Variants in SPIRE1 observed in about 807,000 individuals in gnomAD.
SPIRE1 encodes spire type actin nucleation factor 1, also known as protein spire homolog 1.
SPIRE1 carries 40 observed loss-of-function variants against 94.1 expected under a neutral mutation model. The ratio of observed to expected loss-of-function variants is 0.43; its 90% CI spans 0.33 to 0.55. The LOEUF is 0.55. SPIRE1 is among the 20% of genes least tolerant of loss of function. The probability of loss-of-function intolerance (pLI) is 0.06; values close to 1 mark genes in which losing one functional copy is unlikely to be tolerated. For missense variants in SPIRE1, 838 were observed against 975.2 expected (o/e 0.86, Z 1.87); for synonymous variants, 376 against 371.7 (o/e 1.01, Z -0.13).
intron 2 of SPIRE1, among the ~76,000 whole-genome samples, chr18:12,618,578 T>C (rs2144726966): frequency 6.6e-6 from 1 of 152,280 alleles, no homozygotes; most frequent in South Asian, 2.1e-4. Context: ...TCTATACTTT[T>C]TAATCTTATA....
intron 2 of SPIRE1, among the ~76,000 whole-genome samples, chr18:12,622,580 G>T (rs2144748559): frequency 6.6e-6 from 1 of 151,848 alleles, no homozygotes; most frequent in Non-Finnish European, 1.5e-5. Context: ...CCACCACCAT[G>T]CCCGGCTAAT....
intron 2 of SPIRE1, among the ~76,000 whole-genome samples, chr18:12,631,738 G>A (rs538547088): frequency 1.3e-5 from 2 of 152,198 alleles, no homozygotes; most frequent in African/African-American, 4.8e-5. Context: ...CATGGCGCAC[G>A]CCTGTAGTCC....
intron 2 of SPIRE1, among the ~76,000 whole-genome samples, chr18:12,551,725 G>C (rs368615975): frequency 3.0e-4 from 45 of 151,862 alleles, no homozygotes; most frequent in African/African-American, 1.0e-3. Context: ...AATATGGGGC[G>C]GGAGAGGGGT....
chr18:12,627,711 AG>A (rs1255421707), intron 2 of SPIRE1, among the ~76,000 whole-genome samples: 9 of 152,180 alleles, frequency 5.9e-5, no homozygotes, highest in Non-Finnish European at 2.9e-5. Flanking sequence ...CATCATCTCC[AG>A]CATCTGTTGT....
chr18:12,632,416 A>G (rs1360202705), intron 2 of SPIRE1, among the ~76,000 whole-genome samples: 2 of 152,148 alleles, frequency 1.3e-5, no homozygotes. Context: ...CTTCCTCCTT[A>G]TGCTGTTTTT....
chr18:12,551,053 A>G (rs527451748), intron 2 of SPIRE1, among the ~76,000 whole-genome samples: 23 of 152,316 alleles, frequency 1.5e-4, no homozygotes, highest in Admixed American at 1.5e-3. Flanking sequence ...TTATATTACT[A>G]ATCTACAGTT....
intron 2 of SPIRE1, among the ~76,000 whole-genome samples, chr18:12,606,552 A>G (rs1458520098): frequency 6.9e-6 from 1 of 145,808 alleles, no homozygotes; most frequent in Admixed American, 6.9e-5. Context: ...TTTTTTTGAG[A>G]CAGGGTCTTA....
At chr18:12,592,574 T>C (rs2036564376) in intron 2 of SPIRE1, among the ~76,000 whole-genome samples, 1 of 152,234 alleles carries the variant, frequency 6.6e-6, no homozygotes, top group Non-Finnish European at 1.5e-5. Context: ...ACAGCCCTGG[T>C]CTGCAGACTC....
intron 1 of SPIRE1, among the ~76,000 whole-genome samples, chr18:12,645,105 G>A (rs201298372): frequency 4.1e-4 from 60 of 145,648 alleles, no homozygotes; most frequent in Non-Finnish European, 4.7e-4. Flanking sequence ...AAGAATAAAA[G>A]AAAAAAAAAA....
At chr18:12,503,139 C>A (rs892136543) in intron 6 of SPIRE1, among the ~76,000 whole-genome samples, 2 of 151,334 alleles carry the variant, frequency 1.3e-5, no homozygotes, top group Non-Finnish European at 3.0e-5. Flanking sequence ...AAAGGAAATA[C>A]CCTGTGTGTT....
intron 2 of SPIRE1, among the ~76,000 whole-genome samples, chr18:12,556,400 A>G (rs1462944246): frequency 6.6e-6 from 1 of 152,236 alleles, no homozygotes; most frequent in African/African-American, 2.4e-5. Context: ...TGTTAACTTT[A>G]AATAATACTA....
At position 12,527,126 on chromosome 18, in the gene SPIRE1, A is replaced by G. The variant is rs546945957; in HGVS notation, c.729+8350T>C. ...TTTGTGATGTCTCCATATGGATATT[A>G]TGTTCTGTCAAGTCTTCTTCAAAAT... On this transcript the variant is annotated intron_variant, in intron 4 of 16. Coordinates refer to ENST00000409402, the MANE Select transcript of SPIRE1 (RefSeq NM_001128626.2). Among the ~76,000 whole-genome samples the G allele has an allele frequency of 2.6e-3, 394 of 152,218 alleles. 1 individual carries two copies. The highest frequency in any genetic ancestry group is 9.1e-3 in the African/African-American group (378 of 41,536).
chr18:12,571,390 C>CAA (rs1187997623), intron 2 of SPIRE1, among the ~76,000 whole-genome samples: 2 of 152,104 alleles, frequency 1.3e-5, no homozygotes, highest in African/African-American at 2.4e-5. Context: ...TTATTTTGAA[C>CAA]AATTATTTTA....
At chr18:12,459,898 T>G (rs969811875) in intron 12 of SPIRE1, 1 of 985,638 alleles carries the variant, frequency 1.0e-6, no homozygotes, top group African/African-American at 1.7e-5. Context: ...CGAAAAGGCG[T>G]CCTTGGCCAT....
chr18:12,459,643 G>T, intron 12 of SPIRE1: 1 of 558,636 alleles, frequency 1.8e-6, no homozygotes, highest in Non-Finnish European at 2.3e-6. Flanking sequence ...ATCAATGATT[G>T]GAAGCAAAGT....
intron 1 of SPIRE1, chr18:12,653,384 C>G (rs776265733): frequency 6.6e-6 from 1 of 152,198 alleles, no homozygotes; most frequent in Non-Finnish European, 1.5e-5. Context: ...TACTGAGTAC[C>G]TGCTATACAG....
At chr18:12,531,469 G>GA (rs2034679767) in intron 4 of SPIRE1, among the ~76,000 whole-genome samples, 1 of 152,134 alleles carries the variant, frequency 6.6e-6, no homozygotes, top group South Asian at 2.1e-4. Context: ...GACACTCTTA[G>GA]AGGAAAATAG....
chr18:12,615,507 T>C (rs1467962114), intron 2 of SPIRE1, among the ~76,000 whole-genome samples: 4 of 128,564 alleles, frequency 3.1e-5, no homozygotes, highest in Non-Finnish European at 6.5e-5. Flanking sequence ...ACCACTGAAC[T>C]CCACCTTGGG....
intron 4 of SPIRE1, among the ~76,000 whole-genome samples, chr18:12,530,339 C>T (rs1041488147): frequency 3.9e-5 from 6 of 152,106 alleles, no homozygotes; most frequent in African/African-American, 1.2e-4. Context: ...TAAGACTAGA[C>T]GGAAGCTTAA....
Sources: gnomAD v4.1 joint callset for allele counts (sites outside exome capture counted in the v4.1 genomes callset) on GRCh38, gnomAD v4.1.1 for gene constraint, MANE v1.5 for transcripts, NCBI Gene and HGNC (gene_info 2026-07-23, HGNC 2026-07-21) for gene names.